UNC5B: variants seen among roughly 807,000 people sequenced by gnomAD.
The protein encoded by UNC5B is unc-5 netrin receptor B.
Under a neutral mutation model 103.7 loss-of-function variants are expected in UNC5B, and 56 were observed. That is an observed-to-expected ratio of 0.54 (90% CI 0.44 to 0.67). The LOEUF (loss-of-function observed/expected upper bound fraction) is 0.67, where lower values mean the gene tolerates loss of function less well. UNC5B is among the 30% of genes least tolerant of loss of function. The pLI, the probability that UNC5B is intolerant of heterozygous loss-of-function variation, is 0.00. For missense variants in UNC5B, 1,194 were observed against 1,284.5 expected (o/e 0.93, Z 1.08); for synonymous variants, 577 against 542.0 (o/e 1.06, Z -0.90).
At chr10:71,226,655 A>G (rs549755109) in intron 1 of UNC5B, among the ~76,000 whole-genome samples, 4 of 152,374 alleles carry the variant, frequency 2.6e-5, no homozygotes, top group African/African-American at 9.6e-5. Context: ...AGCAGCATCC[A>G]ATTCCATTCT....
At chr10:71,269,964 C>G (rs1485515314) in intron 1 of UNC5B, among the ~76,000 whole-genome samples, 2 of 151,972 alleles carry the variant, frequency 1.3e-5, no homozygotes, top group Non-Finnish European at 2.9e-5. Context: ...GGGAGGCGCT[C>G]CAAAACAAGA....
rs548917071 is a variant in UNC5B at position 71,279,909 on chromosome 10, C to T, written c.168C>T (p.Asp56=). 64 of 1,613,990 alleles carry T rather than the reference C, an allele frequency of 4.0e-5. No homozygotes were observed. In the Middle Eastern group the frequency reaches 6.6e-4, roughly 17 times the overall value. Residue 56 remains aspartate (D), a synonymous_variant, in exon 2 of 17, where the codon GAC becomes GAT. Transcript: ENST00000335350. ...PLPYFLQEPQ[D]AYIVKNKPVE... Reference sequence around the variant, plus strand: ...CCTACTTCCTGCAGGAGCCACAGGACGCCTACATTGTGAAGAACAAGCCTG... The same window carrying T: ...CCTACTTCCTGCAGGAGCCACAGGATGCCTACATTGTGAAGAACAAGCCTG...
chr10:71,220,036 A>G (rs1357374618), intron 1 of UNC5B, among the ~76,000 whole-genome samples: 1 of 152,106 alleles, frequency 6.6e-6, no homozygotes, highest in African/African-American at 2.4e-5. Flanking sequence ...TGTGTTCACT[A>G]TCTTGAGGTG....
chr10:71,265,959 A>G (rs1844514119), intron 1 of UNC5B, among the ~76,000 whole-genome samples: 2 of 152,092 alleles, frequency 1.3e-5, no homozygotes, highest in Admixed American at 1.3e-4. Flanking sequence ...CACCTATTCT[A>G]CAGAGAAACA....
At chr10:71,295,672 C>T (rs952038099) in intron 13 of UNC5B, 139 bp from the exon 14 acceptor site, 1 of 967,976 alleles carries the variant, frequency 1.0e-6, no homozygotes, top group African/African-American at 1.6e-5. Context: ...CTTCTCACAC[C>T]ATAAGCCCTC....
rs144182687 is a variant in UNC5B, at chr10:71,235,290, G to A, written c.79+22226G>A. Among the ~76,000 whole-genome samples, 576 of 152,244 alleles carry A rather than the reference G, an allele frequency of 3.8e-3. 4 individuals carry two copies. Among genetic ancestry groups the A allele is most frequent in the African/African-American group, 0.013 (557 of 41,542 alleles). On this transcript the variant is annotated intron_variant, in intron 1 of 16. Coordinates refer to ENST00000335350, the MANE Select transcript of UNC5B (RefSeq NM_170744.5). ...AAGACAGGAGGGGTGGGACTAACAG[G>A]CCTGCAGCCACCAGCCCTTCTGAAC...
rs552032981 is a variant in UNC5B, at chr10:71,287,711, G to A, written c.847G>A (p.Ala283Thr). 1.8e-4 allele frequency: 295 copies of A among 1,612,890 alleles called. 2 individuals carry two copies. In the South Asian group the frequency reaches 3.2e-3, roughly 17 times the overall value. ...CTNPAPLNGGAFCEGQAFQKT... is the reference protein window; with the variant it reads ...CTNPAPLNGGTFCEGQAFQKT... ...CAACCCCGCTCCACTCAACGGAGGG[G>A]CCTTCTGCGAGGGCCAGGCATTCCA... Residue 283 changes from alanine to threonine, a missense_variant, in exon 6 of 17, where the codon GCC becomes ACC. Coordinates refer to ENST00000335350, the MANE Select transcript of UNC5B (RefSeq NM_170744.5).
Position 71,293,539 on chromosome 10 carries a change from A to T in UNC5B, c.1907A>T (p.Gln636Leu), listed in dbSNP as rs775910950. 5 of 1,613,808 alleles carry T rather than the reference A, an allele frequency of 3.1e-6. No individual in the cohort carries two copies. The African/African-American group carries it at 6.7e-5, about 22-fold the overall frequency. The change falls in exon 12 of 17, where the codon CAG (glutamine) becomes CTG (leucine). Residue 636 changes from glutamine (Q) to leucine (L), a missense_variant. Physicochemically the swap from Gln to Leu is moderately radical, Grantham distance 113. Transcript: ENST00000335350. ...GTCAGTGCCCGTGACTGGATCTTTC[A>T]GCTCAAGACCCAGGCCCACCAGGGC... is the stretch of plus-strand genomic sequence containing the variant. ...AEVSARDWIF[Q>L]LKTQAHQGHW...
At chr10:71,297,242 A>G (rs1410824586) in intron 15 of UNC5B, among the ~76,000 whole-genome samples, 1 of 152,256 alleles carries the variant, frequency 6.6e-6, no homozygotes, top group Non-Finnish European at 1.5e-5. Flanking sequence ...CATGCTTGGC[A>G]TATACCAAAA....
At chr10:71,274,223 T>A (rs1403087507) in intron 1 of UNC5B, among the ~76,000 whole-genome samples, 1 of 79,466 alleles carries the variant, frequency 1.3e-5, no homozygotes, top group Non-Finnish European at 4.0e-5. Context: ...TAGCCAGTTG[T>A]GGTGGCGGGT....
chr10:71,291,131 G>A lies in UNC5B; in HGVS notation c.1294+22G>A, dbSNP rs368846355. The A allele has an allele frequency of 4.4e-6, 7 of 1,601,986 alleles. No homozygotes were observed. The African/African-American group carries it at 9.4e-5, about 21-fold the overall frequency. On this transcript the variant is annotated intron_variant, in intron 9 of 16. Transcript: ENST00000335350. ...CCCAGTAAGAACCCGAGGATGTCTG[G>A]GGTGGTTGGCAGAGGCAGGATACCC...
intron 1 of UNC5B, among the ~76,000 whole-genome samples, chr10:71,218,941 C>T (rs998754998): frequency 6.6e-6 from 1 of 152,138 alleles, no homozygotes; most frequent in African/African-American, 2.4e-5. Context: ...GACAGACACA[C>T]CCACACACAT....
intron 5 of UNC5B, among the ~76,000 whole-genome samples, chr10:71,287,332 T>G (rs1845114874): frequency 6.6e-6 from 1 of 152,170 alleles, no homozygotes; most frequent in African/African-American, 2.4e-5. Flanking sequence ...AGGGTGACCC[T>G]GGGGAAGTGG....
chr10:71,248,702 G>A (rs1472186504), intron 1 of UNC5B, among the ~76,000 whole-genome samples: 1 of 152,046 alleles, frequency 6.6e-6, no homozygotes, highest in Non-Finnish European at 1.5e-5. Flanking sequence ...TTTCAAAGTG[G>A]CTCCTAGGCA....
At chr10:71,293,992 A>G in intron 13 of UNC5B, 59 bp downstream of exon 13, 1 of 1,454,662 alleles carries the variant, frequency 6.9e-7, no homozygotes. Context: ...GATCCCTGCC[A>G]GAATCCCCCA....
intron 7 of UNC5B, 73 bp from the exon 8 acceptor site, chr10:71,288,885 C>T (rs1845170383): frequency 1.9e-6 from 3 of 1,583,712 alleles, no homozygotes; most frequent in Non-Finnish European, 2.6e-6. Context: ...TCATCTCATC[C>T]TTCCCATTGC....
intron 1 of UNC5B, among the ~76,000 whole-genome samples, chr10:71,232,329 A>G (rs541528348): frequency 2.0e-4 from 30 of 152,358 alleles, no homozygotes; most frequent in African/African-American, 6.3e-4. Context: ...ACCACCGCGT[A>G]TGTGTTATAT....
At position 71,291,064 on chromosome 10, in the gene UNC5B, C is replaced by G; in HGVS notation, c.1249C>G (p.Leu417Val). The G allele has an allele frequency of 6.2e-7, 1 of 1,614,162 alleles. No individual in the cohort carries two copies. The highest frequency in any genetic ancestry group is 8.5e-7 in the Non-Finnish European group (1 of 1,180,026). The change falls in exon 9 of 17, where the codon CTG becomes GTG. Residue 417 changes from leucine to valine, a missense_variant. By Grantham distance (32) the Leu-to-Val change is conservative. Transcript: ENST00000335350. ...DTDITDSSAA[L>V]TGGFHPVNFK... The stretch of plus-strand genomic sequence containing the variant: ...AGACATCACTGACTCATCTGCTGCC[C>G]TGACTGGTGGTTTCCACCCCGTCAA...
chr10:71,246,863 C>T (rs4746080), intron 1 of UNC5B, among the ~76,000 whole-genome samples: 82,940 of 152,032 alleles, frequency 0.55, 23,439 homozygotes, highest in East Asian at 0.72. Context: ...TCTGGGGCGA[C>T]CACTTCTTTA....
Sources: allele counts gnomAD v4.1 joint callset (sites outside exome capture counted in the v4.1 genomes callset), GRCh38; gene constraint gnomAD v4.1.1; transcripts MANE v1.5; gene names NCBI Gene and HGNC (gene_info 2026-07-23, HGNC 2026-07-21).